The following ATP10A variants were observed in gnomAD, a reference collection of about 807,000 sequenced individuals.
ATP10A encodes phospholipid-transporting ATPase VA.
ATP10A carries 111 observed loss-of-function variants against 147.8 expected under a neutral mutation model. That is an observed-to-expected ratio of 0.75 (90% CI 0.64 to 0.88). The LOEUF is 0.88. Ranked by LOEUF, ATP10A falls within the 40% of genes least tolerant of loss-of-function variation. The probability of loss-of-function intolerance (pLI) is 0.00; values close to 1 mark genes in which losing one functional copy is unlikely to be tolerated. For synonymous variants in ATP10A, 875 were observed against 841.6 expected (o/e 1.04, Z -0.69); for missense variants, 1,927 against 1,959.0 (o/e 0.98, Z 0.31).
At chr15:25,833,125 G>A (rs1490907123) in intron 1 of ATP10A, among the ~76,000 whole-genome samples, 2 of 151,782 alleles carry the variant, frequency 1.3e-5, no homozygotes, top group Non-Finnish European at 2.9e-5. Context: ...TGGGATTAGA[G>A]GCGGACATTA....
At chr15:25,691,354 C>G (rs150102958) in intron 15 of ATP10A, among the ~76,000 whole-genome samples, 2 of 152,248 alleles carry the variant, frequency 1.3e-5, no homozygotes, top group African/African-American at 2.4e-5. Flanking sequence ...GGCATTTTTT[C>G]AAATGGTATT....
chr15:25,768,683 A>ATTTTTTTTTTTTTTTTTTTTTTTTTTT, intron 2 of ATP10A, among the ~76,000 whole-genome samples: 1 of 89,646 alleles, frequency 1.1e-5, no homozygotes, highest in Non-Finnish European at 2.1e-5. Context: ...AGCTGGGCTA[A>ATTTTTTTTTTTTTTTTTTTTTTTTTTT]TTTTTTTTTT....
chr15:25,861,012 C>G (rs1244438288), intron 1 of ATP10A, among the ~76,000 whole-genome samples: 1 of 152,104 alleles, frequency 6.6e-6, no homozygotes, highest in Non-Finnish European at 1.5e-5. Flanking sequence ...TCAGGGGACA[C>G]GGAGGCCATT....
chr15:25,691,941 C>T, intron 14 of ATP10A, 150 bp from the exon 15 acceptor site: 1 of 847,206 alleles, frequency 1.2e-6, no homozygotes, highest in East Asian at 2.4e-5. Context: ...AGAGCATCCA[C>T]CCTGGGAGAA....
intron 2 of ATP10A, among the ~76,000 whole-genome samples, chr15:25,751,381 A>T (rs534379062): frequency 1.5e-4 from 23 of 152,268 alleles, no homozygotes; most frequent in African/African-American, 5.3e-4. Flanking sequence ...TAGCAAGAAC[A>T]CAGAAGACTT....
chr15:25,794,934 G>C (rs143983843), intron 1 of ATP10A, among the ~76,000 whole-genome samples: 2 of 152,210 alleles, frequency 1.3e-5, no homozygotes, highest in African/African-American at 2.4e-5. Flanking sequence ...TTGAGTCAAC[G>C]TCCAAAGACT....
chr15:25,828,366 G>C (rs549552963), intron 1 of ATP10A, among the ~76,000 whole-genome samples: 79 of 152,326 alleles, frequency 5.2e-4, no homozygotes, highest in African/African-American at 1.6e-3. Context: ...TGCACGTGGC[G>C]TGTCCTGTAG....
intron 1 of ATP10A, among the ~76,000 whole-genome samples, chr15:25,822,434 C>T (rs1891930778): frequency 6.6e-6 from 1 of 152,178 alleles, no homozygotes; most frequent in African/African-American, 2.4e-5. Context: ...CTGACCTATG[C>T]TTTGCCCTCC....
chr15:25,741,805 C>T (rs1055308737), intron 2 of ATP10A, among the ~76,000 whole-genome samples: 10 of 152,136 alleles, frequency 6.6e-5, no homozygotes, highest in Admixed American at 2.0e-4. Context: ...TTGTCCACCA[C>T]GTGTCTCCTG....
chr15:25,752,445 A>T (rs1482849345), intron 2 of ATP10A, among the ~76,000 whole-genome samples: 2 of 152,230 alleles, frequency 1.3e-5, no homozygotes, highest in Non-Finnish European at 2.9e-5. Flanking sequence ...ATCTAAAGCA[A>T]CCAAACTCAG....
At chr15:25,785,430 G>A (rs1449012910) in intron 1 of ATP10A, among the ~76,000 whole-genome samples, 4 of 152,136 alleles carry the variant, frequency 2.6e-5, no homozygotes, top group Non-Finnish European at 5.9e-5. Flanking sequence ...CCAGAACTGC[G>A]AGGTGATACA....
chr15:25,766,896 C>A (rs945103815), intron 2 of ATP10A, among the ~76,000 whole-genome samples: 2 of 142,766 alleles, frequency 1.4e-5, no homozygotes, highest in Non-Finnish European at 3.0e-5. Context: ...ACTAGTGGAA[C>A]TGTTTCTAAA....
intron 2 of ATP10A, among the ~76,000 whole-genome samples, chr15:25,740,897 T>C (rs912561447): frequency 6.6e-6 from 1 of 152,130 alleles, no homozygotes; most frequent in East Asian, 1.9e-4. Flanking sequence ...TCGGCTACCA[T>C]CCCTCCCAGC....
intron 16 of ATP10A, among the ~76,000 whole-genome samples, 167 bp downstream of exon 16, chr15:25,687,536 G>T (rs1217811670): frequency 6.6e-6 from 1 of 151,718 alleles, no homozygotes; most frequent in Non-Finnish European, 1.5e-5. Flanking sequence ...TGAGCCTACA[G>T]AGTGCAGAGC....
chr15:25,729,982 G>GCCTTC (rs1902859039), intron 3 of ATP10A, among the ~76,000 whole-genome samples: 1 of 152,050 alleles, frequency 6.6e-6, no homozygotes, highest in Non-Finnish European at 1.5e-5. Context: ...TGGAGGAGTG[G>GCCTTC]CTGAGAGCAA....
intron 1 of ATP10A, among the ~76,000 whole-genome samples, chr15:25,858,136 TGTGGAAATAATATTCCGCAAGC>T (rs1893597092): frequency 6.6e-6 from 1 of 152,188 alleles, no homozygotes; most frequent in African/African-American, 2.4e-5. Context: ...TGAATGGCAA[TGTGGAAATAATATTCCGCAAGC>T]GTCCAGTGCC....
At chr15:25,747,659 ATACAAGT>A (rs1887918593) in intron 2 of ATP10A, among the ~76,000 whole-genome samples, 1 of 152,194 alleles carries the variant, frequency 6.6e-6, no homozygotes, top group African/African-American at 2.4e-5. Context: ...TAATAGAAAA[ATACAAGT>A]TTCTAAAATT....
At chr15:25,827,418 A>G (rs1892162776) in intron 1 of ATP10A, among the ~76,000 whole-genome samples, 1 of 152,224 alleles carries the variant, frequency 6.6e-6, no homozygotes, top group African/African-American at 2.4e-5. Context: ...TTGATTTAAA[A>G]GACATAAAGC....
intron 1 of ATP10A, among the ~76,000 whole-genome samples, chr15:25,793,629 G>C (rs1890535787): frequency 6.6e-6 from 1 of 152,254 alleles, no homozygotes; most frequent in African/African-American, 2.4e-5. Context: ...CTGCGGATGA[G>C]TGGTTACTAT....
Sources: gnomAD v4.1 joint callset for allele counts (sites outside exome capture counted in the v4.1 genomes callset) on GRCh38, gnomAD v4.1.1 for gene constraint, MANE v1.5 for transcripts, NCBI Gene and HGNC (gene_info 2026-07-23, HGNC 2026-07-21) for gene names.